TMEFF2: variants seen among roughly 807,000 people sequenced by gnomAD.
TMEFF2 encodes tomoregulin-2.
TMEFF2 carries 28 observed loss-of-function variants against 53.8 expected under a neutral mutation model. The ratio of observed to expected loss-of-function variants is 0.52; its 90% CI spans 0.39 to 0.71. The LOEUF (loss-of-function observed/expected upper bound fraction) is 0.71, where lower values mean the gene tolerates loss of function less well. TMEFF2 is among the 30% of genes least tolerant of loss of function. The probability of loss-of-function intolerance (pLI) is 0.00; values close to 1 mark genes in which losing one functional copy is unlikely to be tolerated. For synonymous variants in TMEFF2, 162 were observed against 166.3 expected (o/e 0.97, Z 0.20); for missense variants, 353 against 455.2 (o/e 0.78, Z 2.04).
intron 5 of TMEFF2, among the ~76,000 whole-genome samples, chr2:192,001,401 AG>A (rs1261318001): frequency 2.0e-5 from 3 of 152,118 alleles, no homozygotes; most frequent in Non-Finnish European, 2.9e-5. Flanking sequence ...TTTTGTAAAT[AG>A]ATTATATATA....
chr2:192,137,170 G>T (rs763501367), intron 4 of TMEFF2, among the ~76,000 whole-genome samples: 34 of 152,180 alleles, frequency 2.2e-4, no homozygotes, highest in Non-Finnish European at 3.5e-4. Context: ...TGCTCCTTTG[G>T]TGCTTACCAG....
At chr2:191,989,756 C>A (rs947426755) in intron 7 of TMEFF2, among the ~76,000 whole-genome samples, 1 of 152,228 alleles carries the variant, frequency 6.6e-6, no homozygotes, top group African/African-American at 2.4e-5. Context: ...ATGTGCTGCC[C>A]TTGTTGGTTC....
intron 4 of TMEFF2, among the ~76,000 whole-genome samples, chr2:192,131,537 C>A (rs1402134986): frequency 6.6e-6 from 1 of 152,032 alleles, no homozygotes; most frequent in Non-Finnish European, 1.5e-5. Context: ...ATCTCTGTGC[C>A]CCAATCCCTT....
chr2:192,025,152 GTGT>G (rs1686941554), intron 5 of TMEFF2, among the ~76,000 whole-genome samples: 1 of 152,174 alleles, frequency 6.6e-6, no homozygotes, highest in African/African-American at 2.4e-5. Context: ...ATCAAGCATT[GTGT>G]TGGTGATGGA....
intron 7 of TMEFF2, among the ~76,000 whole-genome samples, chr2:191,970,331 C>T (rs1012679125): frequency 4.0e-5 from 6 of 151,886 alleles, no homozygotes; most frequent in African/African-American, 1.4e-4. Context: ...TTCACATTCA[C>T]CTGGAACCTC....
intron 8 of TMEFF2, among the ~76,000 whole-genome samples, 162 bp downstream of exon 8, chr2:191,956,093 T>TGTG (rs1692081217): frequency 6.6e-6 from 1 of 152,072 alleles, no homozygotes; most frequent in Non-Finnish European, 1.5e-5. Context: ...AGTGTGTGAG[T>TGTG]ATGTGTGTAT....
intron 4 of TMEFF2, among the ~76,000 whole-genome samples, chr2:192,078,329 T>C (rs886116269): frequency 5.3e-5 from 8 of 152,166 alleles, no homozygotes; most frequent in Admixed American, 4.6e-4. Context: ...CAATAAATGG[T>C]AGACTTTCAA....
At chr2:191,964,370 T>TTCTTTCTTTCTG (rs1559063514) in intron 7 of TMEFF2, among the ~76,000 whole-genome samples, 1 of 74,852 alleles carries the variant, frequency 1.3e-5, no homozygotes, top group Non-Finnish European at 2.7e-5. Flanking sequence ...CTTTCTTTCT[T>TTCTTTCTTTCTG]TCTCTTTCTT....
At chr2:192,024,124 T>C (rs1480086424) in intron 5 of TMEFF2, among the ~76,000 whole-genome samples, 1 of 152,218 alleles carries the variant, frequency 6.6e-6, no homozygotes, top group Non-Finnish European at 1.5e-5. Flanking sequence ...TAATTTTGAA[T>C]GTATTTCCCA....
chr2:192,095,782 A>T (rs781642209), intron 4 of TMEFF2, among the ~76,000 whole-genome samples: 2 of 152,196 alleles, frequency 1.3e-5, no homozygotes, highest in Non-Finnish European at 2.9e-5. Context: ...GCTTTTAGTA[A>T]CTTACTTTAA....
Position 192,194,363 on chromosome 2 carries a change from C to G in TMEFF2, c.162G>C (p.Trp54Cys). The change falls in exon 1 of 10, where the codon TGG (tryptophan) becomes TGC (cysteine). Residue 54 changes from tryptophan to cysteine, a missense_variant. Transcript: ENST00000272771. The surrounding 1 kb of genome is among the most constrained non-coding windows in gnomAD (Gnocchi z 4.2). ...SLSDCQTPTG[W>C]NCSGYDDREN... ...GGGTTCTGGACTTACCAGAGCAATTCCAGCCGGTGGGCGTTTGGCAGTCAC... is the reference window on the plus strand; with the variant it reads ...GGGTTCTGGACTTACCAGAGCAATTGCAGCCGGTGGGCGTTTGGCAGTCAC... The G allele has an allele frequency of 1.2e-6, 2 of 1,614,060 alleles. No homozygotes were observed. Among genetic ancestry groups the G allele is most frequent in the Non-Finnish European group, 1.7e-6 (2 of 1,179,978 alleles).
At chr2:192,087,289 A>C (rs189046640) in intron 4 of TMEFF2, among the ~76,000 whole-genome samples, 1 of 152,244 alleles carries the variant, frequency 6.6e-6, no homozygotes, top group East Asian at 1.9e-4. Context: ...GAAAAAAAAC[A>C]GCCTACAATT....
chr2:192,007,344 T>C (rs1244006502), intron 5 of TMEFF2, among the ~76,000 whole-genome samples: 1 of 152,032 alleles, frequency 6.6e-6, no homozygotes, highest in African/African-American at 2.4e-5. Context: ...GGGGGTGAAA[T>C]TATCATGAGG....
At chr2:191,993,810 G>A (rs1441941793) in intron 7 of TMEFF2, among the ~76,000 whole-genome samples, 2 of 151,954 alleles carry the variant, frequency 1.3e-5, no homozygotes, top group South Asian at 2.1e-4. Context: ...CCAGCCATAC[G>A]GAGAGCCTCT....
At position 192,029,921 on chromosome 2, in the gene TMEFF2, A is replaced by G. The variant is rs568466196; in HGVS notation, c.536+27758T>C. ...TTAATACAACAAAGCTGGATTCTAT[A>G]CCTGCTTCTTCATTGAATCTGTTGA... On this transcript the variant is annotated intron_variant, in intron 5 of 9. Transcript: ENST00000272771. Among the ~76,000 whole-genome samples the G allele has an allele frequency of 7.2e-5, 11 of 152,350 alleles. No homozygotes were observed. The South Asian group carries it at 2.3e-3, about 32-fold the overall frequency.
At chr2:192,192,164 T>C (rs548788262) in intron 1 of TMEFF2, among the ~76,000 whole-genome samples, 175 bp from the exon 2 acceptor site, 13 of 152,344 alleles carry the variant, frequency 8.5e-5, no homozygotes, top group African/African-American at 3.1e-4. Context: ...GTGATCAATA[T>C]TCGTTTCCAT....
chr2:192,057,742 T>C lies in TMEFF2; in HGVS notation c.473A>G (p.Glu158Gly), dbSNP rs1181918712. 6.2e-7 allele frequency: 1 copy of C among 1,614,036 alleles called. No homozygotes were observed. Among genetic ancestry groups the C allele is most frequent in the Admixed American group, 1.7e-5 (1 of 60,016 alleles). ...CTGGCAAATATCACAGGTGGATGTCTCCTTTTGACTAGTTTCTCCAGAGCC... is the reference window on the plus strand; with the variant it reads ...CTGGCAAATATCACAGGTGGATGTCCCCTTTTGACTAGTTTCTCCAGAGCC... ...HEGSGETSQK[E>G]TSTCDICQFG... The change falls in exon 5 of 10, where the codon GAG (glutamate) becomes GGG (glycine). Residue 158 changes from glutamate to glycine, a missense_variant. Glu to Gly is a moderately conservative substitution (Grantham distance 98, BLOSUM62 -2). Around this residue, in one of 3 missense-constraint regions of TMEFF2, gnomAD observed 294 missense variants for 397.3 expected, o/e 0.74. Transcript: ENST00000272771.
chr2:192,102,116 T>C (rs1273040689), intron 4 of TMEFF2, among the ~76,000 whole-genome samples: 1 of 152,148 alleles, frequency 6.6e-6, no homozygotes, highest in Non-Finnish European at 1.5e-5. Flanking sequence ...ATAAATAGTA[T>C]GTCTGGGAGA....
chr2:192,126,050 T>A (rs1441181647), intron 4 of TMEFF2, among the ~76,000 whole-genome samples: 1 of 152,156 alleles, frequency 6.6e-6, no homozygotes, highest in African/African-American at 2.4e-5. Context: ...AAACAAAAGT[T>A]TGTTTTTTGA....
Sources: gnomAD v4.1 joint callset for allele counts (sites outside exome capture counted in the v4.1 genomes callset) on GRCh38, gnomAD v4.1.1 for gene constraint, gnomAD v4.1.1 regional missense constraint, Gnocchi (gnomAD v3.1) non-coding constraint, MANE v1.5 for transcripts, NCBI Gene and HGNC (gene_info 2026-07-23, HGNC 2026-07-21) for gene names.